Variants in MAPK8IP1 observed in about 807,000 individuals in gnomAD.
MAPK8IP1 encodes C-Jun-amino-terminal kinase-interacting protein 1.
MAPK8IP1 carries 17 observed loss-of-function variants against 72.6 expected under a neutral mutation model. The observed-to-expected ratio is 0.23, with a 90% CI of 0.16 to 0.35. The LOEUF (loss-of-function observed/expected upper bound fraction) is 0.35. MAPK8IP1 is among the 10% of genes least tolerant of loss of function. The pLI is 1.00. For missense variants in MAPK8IP1, 789 were observed against 1,009.7 expected, an observed-to-expected ratio of 0.78 and a Z score of 2.96; for synonymous variants, 401 against 443.4, an observed-to-expected ratio of 0.90 and a Z score of 1.20.
rs781279429 is a variant in MAPK8IP1 at position 45,903,384 on chromosome 11, G to C, written c.1437G>C (p.Leu479=). 6.2e-7 allele frequency: 1 copy of C among 1,613,702 alleles called. No individual in the cohort carries two copies. Among genetic ancestry groups the C allele is most frequent in the Non-Finnish European group, 8.5e-7 (1 of 1,180,004 alleles). The change falls in exon 6 of 12, where the codon CTG becomes CTC. Residue 479 remains leucine (L), a synonymous_variant. Coordinates refer to ENST00000241014, the MANE Select transcript of MAPK8IP1 (RefSeq NM_005456.4). This position sits in a 1 kb window ranked among gnomAD's most constrained non-coding sequence, Gnocchi z 6.4. The stretch of plus-strand genomic sequence containing the variant: ...CTGCAGGTGCTGAGTCCTTCGGGCT[G>C]TTCTCCTGCATCATCAACGGGGAGG... ...SRSSSAESFG[L]FSCIINGEEQ...
chr11:45,903,892 C>A lies in MAPK8IP1; in HGVS notation c.1494-97C>A, dbSNP rs2086679222. ...CACAGGATGCTTTTGCAAATGTTTA[C>A]TGAAATAACGATGCTGCTGTGGCTC... On this transcript the variant is annotated intron_variant, in intron 6 of 11. Coordinates refer to ENST00000241014, the MANE Select transcript of MAPK8IP1 (RefSeq NM_005456.4). The surrounding 1 kb of genome is among the most constrained non-coding windows in gnomAD (Gnocchi z 6.4). 8.6e-7 allele frequency: 1 copy of A among 1,169,446 alleles called. No individual in the cohort carries two copies. Among genetic ancestry groups the A allele is most frequent in the Non-Finnish European group, 1.3e-6 (1 of 785,742 alleles). The allele number at this position is 1,169,446 out of a possible 1,614,324, so 72.4% of individuals were successfully genotyped here.
rs550443159 is a variant in MAPK8IP1 at position 45,893,465 on chromosome 11, A to G, written c.102-4620A>G. Among the ~76,000 whole-genome samples, 13 of 152,346 alleles carry G rather than the reference A, an allele frequency of 8.5e-5. No homozygotes were observed. In the South Asian group the frequency reaches 2.7e-3, roughly 32 times the overall value. The stretch of plus-strand genomic sequence containing the variant: ...CTGGGGCAGCAGAGTAGGAGGGATC[A>G]GGTGAATGCAGGAACAGGGCCTCAG... On this transcript the variant is annotated intron_variant, in intron 1 of 11. Coordinates refer to ENST00000241014, the MANE Select transcript of MAPK8IP1 (RefSeq NM_005456.4).
Position 45,904,099 on chromosome 11 carries a change from C to A in MAPK8IP1, c.1604C>A (p.Ala535Asp). 1.9e-6 allele frequency: 3 copies of A among 1,614,064 alleles called. No homozygotes were observed. Among genetic ancestry groups the A allele is most frequent in the Non-Finnish European group, 2.5e-6 (3 of 1,180,020 alleles). The change falls in exon 7 of 12, where the codon GCC becomes GAC. Residue 535 changes from alanine to aspartate, a missense_variant. Physicochemically the swap from Ala to Asp is moderately radical, Grantham distance 126. Coordinates refer to ENST00000241014, the MANE Select transcript of MAPK8IP1 (RefSeq NM_005456.4). The surrounding 1 kb of genome is among the most constrained non-coding windows in gnomAD (Gnocchi z 6.4). ...GAGGCCTACAACATGCGCACTGGTG[C>A]CCGGGGTGTCTTTCCTGCCTATTAC... ...WYEAYNMRTGARGVFPAYYAI... is the reference protein window; with the variant it reads ...WYEAYNMRTGDRGVFPAYYAI...
In MAPK8IP1 at chr11:45,902,665, C is replaced by G; in HGVS notation, c.898C>G (p.Leu300Val). ...CGCTGCAGAGCCCACCTCCGCCTTC[C>G]TGCCGCCCACTGAGAGCCGGATGTC... ...PDAAEPTSAFLPPTESRMSVS... is the reference protein window; with the variant it reads ...PDAAEPTSAFVPPTESRMSVS... Residue 300 changes from leucine (L) to valine (V), a missense_variant, in exon 5 of 12, where the codon CTG becomes GTG. By Grantham distance (32) the Leu-to-Val change is conservative. Around this residue, in one of 4 missense-constraint regions of MAPK8IP1, gnomAD observed 377 missense variants for 411.7 expected, o/e 0.92. Transcript: ENST00000241014. This position sits in a 1 kb window ranked among gnomAD's most constrained non-coding sequence, Gnocchi z 9.3. 3.1e-6 allele frequency: 5 copies of G among 1,612,368 alleles called. No individual in the cohort carries two copies. The highest frequency in any genetic ancestry group is 3.4e-6 in the Non-Finnish European group (4 of 1,179,948).
chr11:45,899,497 G>A (rs1178835825), intron 2 of MAPK8IP1, among the ~76,000 whole-genome samples: 7 of 152,230 alleles, frequency 4.6e-5, no homozygotes, highest in Non-Finnish European at 1.0e-4. Flanking sequence ...AAGGTGCCAG[G>A]GAGTTGGCGG....
intron 1 of MAPK8IP1, chr11:45,897,014 G>A (rs1590784955): frequency 6.6e-7 from 1 of 1,516,606 alleles, no homozygotes; most frequent in South Asian, 1.2e-5. Context: ...CGAGCTCAGG[G>A]TCTCTGATCT....
intron 1 of MAPK8IP1, among the ~76,000 whole-genome samples, chr11:45,893,985 G>C (rs1306831071): frequency 6.6e-6 from 1 of 152,126 alleles, no homozygotes; most frequent in East Asian, 1.9e-4. Flanking sequence ...GACTTGCACA[G>C]GGTACTCTTT....
Position 45,904,389 on chromosome 11 carries a change from C to T in MAPK8IP1, c.1667-66C>T, listed in dbSNP as rs2086685591. 1.4e-6 allele frequency: 2 copies of T among 1,406,416 alleles called. No individual in the cohort carries two copies. Among genetic ancestry groups the T allele is most frequent in the Middle Eastern group, 4.7e-4 (2 of 4,264 alleles). The allele number at this position is 1,406,416 out of a possible 1,614,324, so 87.1% of individuals were successfully genotyped here. A position where few individuals can be genotyped will look rare whatever the true frequency, so the allele number is the denominator to read the frequency against. ...CATTCCCCGTGCCTCACCCACCCTC[C>T]TTCACTTGGCTGCTCAGCTCCCTCC... On this transcript the variant is annotated intron_variant, in intron 7 of 11. Transcript: ENST00000241014. The surrounding 1 kb of genome is among the most constrained non-coding windows in gnomAD (Gnocchi z 6.4).
At chr11:45,896,516 GGGCATTGGAAGGGCAGGTGGAGCCAGT>G in intron 1 of MAPK8IP1, 2 of 1,075,306 alleles carry the variant, frequency 1.9e-6, no homozygotes, top group Non-Finnish European at 2.3e-6. Flanking sequence ...CCCCCGACAG[GGGCATTGGAAGGGCAGGTGGAGCCAGT>G]GGCATTGATT....
chr11:45,899,641 C>T (rs928181749), intron 2 of MAPK8IP1, among the ~76,000 whole-genome samples: 1 of 152,184 alleles, frequency 6.6e-6, no homozygotes, highest in African/African-American at 2.4e-5. Context: ...CCCGCTCGCC[C>T]CTCCCCCTCG....
At position 45,902,522 on chromosome 11, in the gene MAPK8IP1, C is replaced by A. The variant is rs775585288; in HGVS notation, c.755C>A (p.Pro252His). The A allele has an allele frequency of 6.2e-7, 1 of 1,611,024 alleles. No individual in the cohort carries two copies. Among genetic ancestry groups the A allele is most frequent in the South Asian group, 1.1e-5 (1 of 90,804 alleles). ...CAGATGGCACCTCCGGGTGGTCCCC[C>A]TGCTGCCCCGCCTGGGGGTCGGGGC... is the stretch of plus-strand genomic sequence containing the variant. ...ATQMAPPGGP[P>H]AAPPGGRGHS... The change falls in exon 5 of 12, where the codon CCT becomes CAT. Residue 252 changes from proline to histidine, a missense_variant. Coordinates refer to ENST00000241014, the MANE Select transcript of MAPK8IP1 (RefSeq NM_005456.4). The surrounding 1 kb of genome is among the most constrained non-coding windows in gnomAD (Gnocchi z 9.3).
At chr11:45,888,503 C>T (rs2086544006) in intron 1 of MAPK8IP1, among the ~76,000 whole-genome samples, 1 of 152,076 alleles carries the variant, frequency 6.6e-6, no homozygotes, top group African/African-American at 2.4e-5. Flanking sequence ...AAAGAAAGAG[C>T]CCTAGAGTAT....
In MAPK8IP1 at chr11:45,904,090, G is replaced by A. The variant is rs1394463681; in HGVS notation, c.1595G>A (p.Arg532His). ...EDYWYEAYNM[R>H]TGARGVFPAY... ...TACTGGTACGAGGCCTACAACATGC[G>A]CACTGGTGCCCGGGGTGTCTTTCCT... Residue 532 changes from arginine (R) to histidine (H), a missense_variant, in exon 7 of 12, where the codon CGC becomes CAC. Around this residue, in one of 4 missense-constraint regions of MAPK8IP1, gnomAD observed 188 missense variants for 293.3 expected, o/e 0.64. Transcript: ENST00000241014. The surrounding 1 kb of genome is among the most constrained non-coding windows in gnomAD (Gnocchi z 6.4). The A allele has an allele frequency of 5.0e-6, 8 of 1,613,924 alleles. No individual in the cohort carries two copies. Among genetic ancestry groups the A allele is most frequent in the African/African-American group, 2.7e-5 (2 of 74,890 alleles).
rs558462543 is a variant in MAPK8IP1, at chr11:45,893,863, CA to C, written c.102-4220del. 2.7e-5 allele frequency among the ~76,000 whole-genome samples: 4 copies of C among 150,826 alleles called. No individual in the cohort carries two copies. In the South Asian group the frequency reaches 8.4e-4, roughly 32 times the overall value. On this transcript the variant is annotated intron_variant, in intron 1 of 11. Transcript: ENST00000241014. Reference sequence around the variant, plus strand: ...TGACCTTCCATGAGCCTTCAGGGACCAAGTGTCTGTTTAGCCTTCTCTCCAT... The same window carrying C: ...TGACCTTCCATGAGCCTTCAGGGACCAGTGTCTGTTTAGCCTTCTCTCCAT...
In MAPK8IP1 at chr11:45,903,791, T is replaced by G. The variant is rs1442539923; in HGVS notation, c.1494-198T>G. ...AGGGGGCCCTGCCCACACCCTCCCT[T>G]GGCCTGTGTTTCCTCGATGGCAGAT... On this transcript the variant is annotated intron_variant, in intron 6 of 11. Transcript: ENST00000241014. The surrounding 1 kb of genome is among the most constrained non-coding windows in gnomAD (Gnocchi z 6.4). Among the ~76,000 whole-genome samples, 2 of 152,156 alleles carry G rather than the reference T, an allele frequency of 1.3e-5. No individual in the cohort carries two copies. The highest frequency in any genetic ancestry group is 4.8e-5 in the African/African-American group (2 of 41,440).
Position 45,903,316 on chromosome 11 carries a change from C to A in MAPK8IP1, c.1418-49C>A. On this transcript the variant is annotated intron_variant, in intron 5 of 11. Coordinates refer to ENST00000241014, the MANE Select transcript of MAPK8IP1 (RefSeq NM_005456.4). This position sits in a 1 kb window ranked among gnomAD's most constrained non-coding sequence, Gnocchi z 6.4. ...GAGGCTTCTACCTGCCCCGCTAAAC[C>A]TGGATCAGAGCTGCGACCCCCCATC... is the stretch of plus-strand genomic sequence containing the variant. 2 of 1,603,434 alleles carry A rather than the reference C, an allele frequency of 1.2e-6. No individual in the cohort carries two copies. The highest frequency in any genetic ancestry group is 8.5e-7 in the Non-Finnish European group (1 of 1,171,802).
intron 1 of MAPK8IP1, chr11:45,896,767 G>A (rs2086609258): frequency 8.0e-6 from 12 of 1,505,128 alleles, no homozygotes; most frequent in Admixed American, 2.3e-5. Context: ...ACAGGCCCAA[G>A]CGGTGGAGGC....
rs933664313 is a variant in MAPK8IP1 at position 45,904,710 on chromosome 11, A to C, written c.1777-8A>C. ...AGCAGCTGACGTGGCTCCATTTGTC[A>C]CCTGTAGATTGCCACCACCCGCCGG... On this transcript the variant is annotated splice_polypyrimidine_tract_variant and splice_region_variant and intron_variant, in intron 8 of 11. Coordinates refer to ENST00000241014, the MANE Select transcript of MAPK8IP1 (RefSeq NM_005456.4). This position sits in a 1 kb window ranked among gnomAD's most constrained non-coding sequence, Gnocchi z 6.4. 9 of 1,613,340 alleles carry C rather than the reference A, an allele frequency of 5.6e-6. No individual in the cohort carries two copies. The African/African-American group carries it at 9.4e-5, about 17-fold the overall frequency.
chr11:45,903,603 A>G lies in MAPK8IP1; in HGVS notation c.1493+163A>G, dbSNP rs1350770650. Reference sequence around the variant, plus strand: ...TGTCCACTCTCTAGGGACTCAGAGTATGGTGACAAAGAGGATGGCTACAGT... The same window carrying G: ...TGTCCACTCTCTAGGGACTCAGAGTGTGGTGACAAAGAGGATGGCTACAGT... On this transcript the variant is annotated intron_variant, in intron 6 of 11. Coordinates refer to ENST00000241014, the MANE Select transcript of MAPK8IP1 (RefSeq NM_005456.4). The surrounding 1 kb of genome is among the most constrained non-coding windows in gnomAD (Gnocchi z 6.4). 6.6e-6 allele frequency among the ~76,000 whole-genome samples: 1 copy of G among 152,182 alleles called. No individual in the cohort carries two copies. Among genetic ancestry groups the G allele is most frequent in the Non-Finnish European group, 1.5e-5 (1 of 68,024 alleles).
Sources: allele counts gnomAD v4.1 joint callset (sites outside exome capture counted in the v4.1 genomes callset), GRCh38; gene constraint gnomAD v4.1.1; regional missense constraint gnomAD v4.1.1; non-coding constraint Gnocchi (gnomAD v3.1); transcripts MANE v1.5; gene names NCBI Gene and HGNC (gene_info 2026-07-23, HGNC 2026-07-21).